DDR2: variants seen among roughly 807,000 people sequenced by gnomAD.
DDR2 encodes discoidin domain-containing receptor 2.
In DDR2, 27 loss-of-function variants were observed where a neutral mutation model predicts 94.9. That is an observed-to-expected ratio of 0.28 (90% CI 0.21 to 0.39). DDR2 has a LOEUF of 0.39. Among genes scored for constraint, DDR2 ranks in the 10% least tolerant of loss-of-function variants. The pLI is 1.00. For synonymous variants in DDR2, 382 were observed against 377.2 expected (o/e 1.01, Z -0.15); for missense variants, 783 against 1,076.0 (o/e 0.73, Z 3.81).
At chr1:162,632,920 G>A (rs1184914010) in intron 1 of DDR2, among the ~76,000 whole-genome samples, 1 of 152,188 alleles carries the variant, frequency 6.6e-6, no homozygotes, top group Non-Finnish European at 1.5e-5. Context: ...ACAATAAACA[G>A]TGTTAGCAGA....
chr1:162,746,090 C>T (rs1355314622), intron 3 of DDR2, among the ~76,000 whole-genome samples: 1 of 152,194 alleles, frequency 6.6e-6, no homozygotes, highest in Non-Finnish European at 1.5e-5. Context: ...GCATTTCCAG[C>T]TGAGGTACTG....
At position 162,783,575 on chromosome 1, in the gene DDR2, G is replaced by A. The variant is rs571033734; in HGVS notation, c.*3329G>A. Reference sequence around the variant, plus strand: ...TGGGAATCCATTTTGAAACAAGAAGGAGTTTTGAAAGGGAATAGGAAAGTA... The same window carrying A: ...TGGGAATCCATTTTGAAACAAGAAGAAGTTTTGAAAGGGAATAGGAAAGTA... On this transcript the variant is annotated 3_prime_UTR_variant, in exon 18 of 18. Coordinates refer to ENST00000367921, the MANE Select transcript of DDR2 (RefSeq NM_006182.4). 2.6e-5 allele frequency: 4 copies of A among 152,244 alleles called. No individual in the cohort carries two copies. Among genetic ancestry groups the A allele is most frequent in the Admixed American group, 1.3e-4 (2 of 15,278 alleles). 9.4% of individuals were successfully genotyped at this position (152,244 alleles called of 1,614,324 possible).
chr1:162,728,457 T>C (rs766645156), intron 3 of DDR2, among the ~76,000 whole-genome samples: 6 of 151,704 alleles, frequency 4.0e-5, no homozygotes, highest in Non-Finnish European at 8.8e-5. Context: ...AGGATAGTGA[T>C]TATTGAGGGG....
chr1:162,746,320 T>C (rs1284424378), intron 3 of DDR2, among the ~76,000 whole-genome samples: 8 of 152,218 alleles, frequency 5.3e-5, no homozygotes, highest in Non-Finnish European at 8.8e-5. Flanking sequence ...CAGGAGATTA[T>C]ATCCTGCGCC....
intron 1 of DDR2, 27 bp from the exon 2 acceptor site, chr1:162,655,184 T>C (rs149619905): frequency 6.6e-6 from 1 of 152,196 alleles, no homozygotes; most frequent in African/African-American, 2.4e-5. Context: ...AAGTCTATAA[T>C]AAAATATTGC....
At chr1:162,712,382 T>C (rs1660959191) in intron 2 of DDR2, among the ~76,000 whole-genome samples, 1 of 151,850 alleles carries the variant, frequency 6.6e-6, no homozygotes, top group African/African-American at 2.4e-5. Context: ...AAAAGGCTTT[T>C]AGAAGCTCAC....
At chr1:162,669,645 A>G (rs1390484865) in intron 2 of DDR2, among the ~76,000 whole-genome samples, 2 of 152,276 alleles carry the variant, frequency 1.3e-5, no homozygotes, top group East Asian at 3.8e-4. Flanking sequence ...TTAATAATTC[A>G]ATAATAATGG....
At chr1:162,729,297 T>TG (rs1661889898) in intron 3 of DDR2, among the ~76,000 whole-genome samples, 1 of 23,306 alleles carries the variant, frequency 4.3e-5, no homozygotes, top group African/African-American at 1.7e-4. Flanking sequence ...TATATATATA[T>TG]ATATTTTTTT....
chr1:162,749,730 A>G (rs1465997131), intron 3 of DDR2, among the ~76,000 whole-genome samples: 1 of 152,234 alleles, frequency 6.6e-6, no homozygotes, highest in Non-Finnish European at 1.5e-5. Context: ...TTAGACCAAT[A>G]TCCCTGATGA....
intron 2 of DDR2, among the ~76,000 whole-genome samples, chr1:162,683,771 T>TA (rs1659528666): frequency 6.6e-6 from 1 of 152,020 alleles, no homozygotes; most frequent in African/African-American, 2.4e-5. Flanking sequence ...GTACTTGACA[T>TA]AGTAAAGACA....
At chr1:162,669,046 T>G (rs1489708148) in intron 2 of DDR2, among the ~76,000 whole-genome samples, 1 of 152,230 alleles carries the variant, frequency 6.6e-6, no homozygotes, top group East Asian at 1.9e-4. Context: ...GTACTTTAGT[T>G]CCTTTGGGGC....
chr1:162,757,542 C>A (rs766858861), intron 7 of DDR2, among the ~76,000 whole-genome samples: 1 of 152,102 alleles, frequency 6.6e-6, no homozygotes. Flanking sequence ...TTGAAGGAAC[C>A]TGAAGTCAAA....
At chr1:162,732,568 T>C (rs1176343407) in intron 3 of DDR2, among the ~76,000 whole-genome samples, 45 of 152,206 alleles carry the variant, frequency 3.0e-4, no homozygotes, top group Non-Finnish European at 2.9e-5. Context: ...ATTAGAGGGA[T>C]TGGCTTCTTA....
At chr1:162,715,548 T>C (rs1571233702) in intron 2 of DDR2, among the ~76,000 whole-genome samples, 1 of 152,046 alleles carries the variant, frequency 6.6e-6, no homozygotes, top group African/African-American at 2.4e-5. Flanking sequence ...GTGAGGTAGG[T>C]GGAGCCCAGA....
chr1:162,681,744 A>G (rs1185446497), intron 2 of DDR2, among the ~76,000 whole-genome samples: 1 of 152,100 alleles, frequency 6.6e-6, no homozygotes, highest in Non-Finnish European at 1.5e-5. Flanking sequence ...TGTCCTCATG[A>G]TCTAATCACC....
intron 12 of DDR2, chr1:162,770,787 A>G: frequency 2.0e-6 from 1 of 494,806 alleles, no homozygotes; most frequent in South Asian, 1.9e-5. Flanking sequence ...TTGACACCAG[A>G]AGAACCTAAA....
intron 3 of DDR2, among the ~76,000 whole-genome samples, chr1:162,741,159 G>GAATATAATAT (rs531538134): frequency 2.3e-4 from 33 of 141,422 alleles, no homozygotes; most frequent in African/African-American, 8.6e-4. Flanking sequence ...TTGGACTTTG[G>GAATATAATAT]AATATAATAT....
intron 2 of DDR2, among the ~76,000 whole-genome samples, chr1:162,701,678 TCTACTTGAA>T (rs1660437346): frequency 6.6e-6 from 1 of 152,236 alleles, no homozygotes; most frequent in Admixed American, 6.5e-5. Context: ...TTAGTCAGCC[TCTACTTGAA>T]TATTTCCAGT....
At chr1:162,684,769 A>G (rs1054867669) in intron 2 of DDR2, among the ~76,000 whole-genome samples, 4 of 151,446 alleles carry the variant, frequency 2.6e-5, no homozygotes, top group Admixed American at 2.0e-4. Flanking sequence ...GGAGCTTTGA[A>G]AACCACATAC....
Sources: allele counts gnomAD v4.1 joint callset (sites outside exome capture counted in the v4.1 genomes callset), GRCh38; gene constraint gnomAD v4.1.1; transcripts MANE v1.5; gene names NCBI Gene and HGNC (gene_info 2026-07-23, HGNC 2026-07-21).